The following CSF2RA variants were observed in gnomAD, a reference collection of about 807,000 sequenced individuals.
CSF2RA encodes the protein colony stimulating factor 2 receptor subunit alpha.
In CSF2RA, 42 loss-of-function variants were observed where a neutral mutation model predicts 51.6. The ratio of observed to expected loss-of-function variants is 0.81; its 90% CI spans 0.64 to 1.05. CSF2RA has a LOEUF of 1.05. Ranked by LOEUF, CSF2RA falls within the 50% of genes least tolerant of loss-of-function variation. CSF2RA has a pLI of 0.00. For synonymous variants in CSF2RA, 222 were observed against 193.0 expected (o/e 1.15, Z -1.24); for missense variants, 530 against 501.1 (o/e 1.06, Z -0.55).
At chrX:1,286,962 A>G (rs1296920232) in intron 4 of CSF2RA, among the ~76,000 whole-genome samples, 4 of 151,924 alleles carry the variant, frequency 2.6e-5, no homozygotes, top group Non-Finnish European at 5.9e-5. Context: ...AGGAGGGAGA[A>G]ACACAGAGAA....
chrX:1,283,389 TTCTC>T (rs1397611521), intron 3 of CSF2RA, among the ~76,000 whole-genome samples: 1 of 149,050 alleles, frequency 6.7e-6, no homozygotes, highest in South Asian at 2.2e-4. Context: ...CCTTCTTTCT[TTCTC>T]TTTCTTCCTT....
At chrX:1,277,237 G>A (rs1228195008) in intron 2 of CSF2RA, among the ~76,000 whole-genome samples, 2 of 152,202 alleles carry the variant, frequency 1.3e-5, no homozygotes, top group South Asian at 2.1e-4. Context: ...AACGAAGGGT[G>A]CTTGTGTTAC....
chrX:1,304,588 A>G (rs1301152402), intron 11 of CSF2RA, among the ~76,000 whole-genome samples: 1 of 151,432 alleles, frequency 6.6e-6, no homozygotes, highest in Non-Finnish European at 1.5e-5. Context: ...CCAGAGGGGA[A>G]ACGCCTGCCT....
At chrX:1,280,418 C>T (rs2089744485) in intron 2 of CSF2RA, among the ~76,000 whole-genome samples, 1 of 149,824 alleles carries the variant, frequency 6.7e-6, no homozygotes, top group African/African-American at 2.4e-5. Flanking sequence ...TTGCAGTGAG[C>T]CAAGATTGCA....
intron 12 of CSF2RA, 47 bp from the exon 13 acceptor site, chrX:1,309,355 G>T (rs2084009598): frequency 6.3e-7 from 1 of 1,578,880 alleles, no homozygotes; most frequent in Non-Finnish European, 8.7e-7. Flanking sequence ...CTGAGTCCCA[G>T]GCTGAGCTCG....
In CSF2RA at chrX:1,290,344, A is replaced by T. The variant is rs199498108; in HGVS notation, c.481A>T (p.Arg161Trp). 1 of 1,613,092 alleles carries T rather than the reference A, an allele frequency of 6.2e-7. No individual in the cohort carries two copies. Reference protein sequence around the residue: ...FLYIRNSKRRREIRCPYYIQD... With the variant: ...FLYIRNSKRRWEIRCPYYIQD... ...CACTTTCTAATCTTTCAGGAGAAGG[A>T]GGGAGATCCGGTGTCCTTATTACAT... The change falls in exon 7 of 13, where the codon AGG (arginine) becomes TGG (tryptophan). Residue 161 changes from arginine (R) to tryptophan (W), a missense_variant. Transcript: ENST00000381529.
At chrX:1,281,300 C>G (rs1321152898) in intron 2 of CSF2RA, among the ~76,000 whole-genome samples, 1 of 134,374 alleles carries the variant, frequency 7.4e-6, no homozygotes, top group African/African-American at 2.8e-5. Flanking sequence ...TCCTACTCCT[C>G]CTTCTCTTCC....
At chrX:1,303,030 G>T (rs2083161154) in intron 10 of CSF2RA, 1 of 237,204 alleles carries the variant, frequency 4.2e-6, no homozygotes, top group Non-Finnish European at 7.7e-6. Context: ...CATCACGCTT[G>T]GCCAATTTTT....
chrX:1,280,099 A>C (rs2148161832), intron 2 of CSF2RA, among the ~76,000 whole-genome samples: 1 of 152,084 alleles, frequency 6.6e-6, no homozygotes, highest in East Asian at 2.0e-4. Flanking sequence ...CGAGAGACGC[A>C]ATCTTTCAGA....
chrX:1,282,827 T>C, intron 3 of CSF2RA, 48 bp downstream of exon 3: 2 of 1,497,256 alleles, frequency 1.3e-6, no homozygotes, highest in Non-Finnish European at 1.9e-6. Flanking sequence ...CCTGTTTAGA[T>C]GTCCTGCATC....
chrX:1,273,067 G>A lies in CSF2RA; in HGVS notation c.-90-1688G>A, dbSNP rs760147785. On this transcript the variant is annotated intron_variant, in intron 1 of 12. Coordinates refer to ENST00000381529, the MANE Select transcript of CSF2RA (RefSeq NM_172245.4). ...ACTCCTGACCTCAAGTGATCCACACGCCTCAGCCTCCCAAAGTGCTAGGAT... is the reference window on the plus strand; with the variant it reads ...ACTCCTGACCTCAAGTGATCCACACACCTCAGCCTCCCAAAGTGCTAGGAT... Among the ~76,000 whole-genome samples the A allele has an allele frequency of 8.6e-5, 13 of 151,324 alleles. No homozygotes were observed. In the South Asian group the frequency reaches 1.0e-3, roughly 12 times the overall value.
chrX:1,297,708 C>T (rs1205799288), intron 9 of CSF2RA, among the ~76,000 whole-genome samples: 1 of 58,640 alleles, frequency 1.7e-5, no homozygotes, highest in East Asian at 4.4e-4. Flanking sequence ...CTACTCATGA[C>T]CCCTGGAGTA....
the CSF2RA span, among the ~76,000 whole-genome samples, chrX:1,317,566 T>G: frequency 2.6e-3 from 298 of 114,560 alleles, 1 homozygote; most frequent in Middle Eastern, 0.015. Flanking sequence ...TATTTTTATT[T>G]TATTTTATTT....
the CSF2RA span, among the ~76,000 whole-genome samples, chrX:1,319,244 G>T: frequency 6.7e-6 from 1 of 148,264 alleles, no homozygotes; most frequent in Non-Finnish European, 1.5e-5. Flanking sequence ...GATCCACCCG[G>T]CTCGGCCTCC....
intron 12 of CSF2RA, among the ~76,000 whole-genome samples, chrX:1,307,558 ACCTTCAACTGATTAGATGAGGCCCAC>A (rs1268601368): frequency 6.6e-6 from 1 of 152,064 alleles, no homozygotes; most frequent in African/African-American, 2.4e-5. Context: ...TCTCCTTTGG[ACCTTCAACTGATTAGATGAGGCCCAC>A]CCTTCCCCCT....
chrX:1,284,848 G>T (rs1229030441), intron 3 of CSF2RA, among the ~76,000 whole-genome samples: 1 of 151,808 alleles, frequency 6.6e-6, no homozygotes, highest in African/African-American at 2.4e-5. Flanking sequence ...TGTATTTTTA[G>T]TAGAGACAGG....
intron 1 of CSF2RA, among the ~76,000 whole-genome samples, chrX:1,271,247 T>C (rs2088363259): frequency 1.6e-5 from 1 of 62,874 alleles, no homozygotes; most frequent in African/African-American, 5.2e-5. Context: ...AACCTCCGCC[T>C]CCTGGGTTCA....
At chrX:1,314,989 G>GTGCCTGCC (rs1569515188), downstream of CSF2RA, among the ~76,000 whole-genome samples, 13 of 115,540 alleles carry the variant, frequency 1.1e-4, no homozygotes, top group Admixed American at 1.6e-4. Context: ...CAATCGCACT[G>GTGCCTGCC]CACCTGCCCA....
downstream of CSF2RA, among the ~76,000 whole-genome samples, chrX:1,314,295 C>T (rs1447498490): frequency 0.29 from 19,871 of 68,262 alleles, 7,044 homozygotes; most frequent in Non-Finnish European, 0.35. Flanking sequence ...TGCATCTGCC[C>T]AACCACTCTG....
Sources: allele counts gnomAD v4.1 joint callset (sites outside exome capture counted in the v4.1 genomes callset), GRCh38; gene constraint gnomAD v4.1.1; transcripts MANE v1.5; gene names NCBI Gene and HGNC (gene_info 2026-07-23, HGNC 2026-07-21).